NBAS: variants seen among roughly 807,000 people sequenced by gnomAD.
NBAS encodes NBAS subunit of NRZ tethering complex.
A neutral mutation model predicts 302.5 loss-of-function variants in NBAS; 219 were observed. The observed-to-expected ratio is 0.72, with a 90% CI of 0.65 to 0.81. The LOEUF (loss-of-function observed/expected upper bound fraction) is 0.81. Ranked by LOEUF, NBAS falls within the 30% of genes least tolerant of loss-of-function variation. NBAS has a pLI of 0.00. For missense variants in NBAS, 2,932 were observed against 2,841.6 expected (o/e 1.03, Z -0.72); for synonymous variants, 1,118 against 1,021.6 (o/e 1.09, Z -1.80).
chr2:15,360,649 C>CTT (rs369254532), intron 32 of NBAS, among the ~76,000 whole-genome samples: 60,728 of 122,888 alleles, frequency 0.49, 17,394 homozygotes, highest in Non-Finnish European at 0.65. Flanking sequence ...CATGACCAGC[C>CTT]TTTTTTTTTT....
At chr2:14,817,014 A>T in the NBAS span, among the ~76,000 whole-genome samples, 4 of 152,134 alleles carry the variant, frequency 2.6e-5, no homozygotes, top group Non-Finnish European at 4.4e-5. Flanking sequence ...GACTCCATAA[A>T]ATAATTAGCC....
chr2:14,987,767 T>G, the NBAS span, among the ~76,000 whole-genome samples: 1 of 152,238 alleles, frequency 6.6e-6, no homozygotes, highest in East Asian at 1.9e-4. Flanking sequence ...AAAGATTTTC[T>G]CTTATGCCTA....
At chr2:15,268,973 T>C (rs1324832198) in intron 44 of NBAS, among the ~76,000 whole-genome samples, 1 of 152,182 alleles carries the variant, frequency 6.6e-6, no homozygotes, top group Non-Finnish European at 1.5e-5. Flanking sequence ...GCAAAGAAAG[T>C]GGTCTTCTCT....
the NBAS span, among the ~76,000 whole-genome samples, chr2:14,854,742 A>G: frequency 6.6e-6 from 1 of 152,118 alleles, no homozygotes; most frequent in Non-Finnish European, 1.5e-5. Context: ...GAGCATTTAA[A>G]CTAGTCCAAT....
chr2:15,220,843 A>G (rs987852330), intron 47 of NBAS, among the ~76,000 whole-genome samples: 3 of 152,200 alleles, frequency 2.0e-5, no homozygotes, highest in African/African-American at 4.8e-5. Flanking sequence ...CCATGCCCTA[A>G]TAAGATTACA....
intron 48 of NBAS, among the ~76,000 whole-genome samples, chr2:15,215,044 A>AT (rs1666591043): frequency 6.6e-6 from 1 of 152,186 alleles, no homozygotes; most frequent in Non-Finnish European, 1.5e-5. Flanking sequence ...ATTTTGCCCC[A>AT]TATTTTTCAT....
At chr2:15,326,927 G>T (rs2148220737) in intron 38 of NBAS, among the ~76,000 whole-genome samples, 1 of 152,176 alleles carries the variant, frequency 6.6e-6, no homozygotes. Context: ...ATCAGCTTTT[G>T]GGGGGAATTA....
At chr2:15,068,931 G>A in the NBAS span, among the ~76,000 whole-genome samples, 4 of 152,196 alleles carry the variant, frequency 2.6e-5, no homozygotes, top group African/African-American at 7.2e-5. Flanking sequence ...GAGCCTCCTG[G>A]TTGGTGGGAA....
intron 40 of NBAS, among the ~76,000 whole-genome samples, chr2:15,296,946 C>T (rs1670577670): frequency 6.6e-6 from 1 of 152,254 alleles, no homozygotes; most frequent in Non-Finnish European, 1.5e-5. Flanking sequence ...TTCTCACTTA[C>T]TACATACAAA....
At chr2:15,511,138 G>C in intron 10 of NBAS, 74 bp downstream of exon 10, 1 of 1,547,490 alleles carries the variant, frequency 6.5e-7, no homozygotes, top group Non-Finnish European at 8.9e-7. Flanking sequence ...ATCTTACAAA[G>C]GACTTATTTG....
At chr2:15,107,967 C>G in the NBAS span, among the ~76,000 whole-genome samples, 1 of 151,990 alleles carries the variant, frequency 6.6e-6, no homozygotes, top group African/African-American at 2.4e-5. Flanking sequence ...GGCTTCTTTC[C>G]CTCAGCATAA....
chr2:14,916,839 A>G, the NBAS span, among the ~76,000 whole-genome samples: 173 of 152,340 alleles, frequency 1.1e-3, 1 homozygote, highest in African/African-American at 3.9e-3. Flanking sequence ...CAGACAGTGG[A>G]TCACATGCAC....
At chr2:15,353,921 TA>T (rs1673491226) in intron 33 of NBAS, among the ~76,000 whole-genome samples, 1 of 152,194 alleles carries the variant, frequency 6.6e-6, no homozygotes. Flanking sequence ...AATGCTACTC[TA>T]AACAAGTGTT....
chr2:15,556,428 GAAT>G (rs1023528241), intron 3 of NBAS, among the ~76,000 whole-genome samples: 2 of 152,142 alleles, frequency 1.3e-5, no homozygotes, highest in African/African-American at 4.8e-5. Context: ...TACAGCAGTT[GAAT>G]ATTAACCACA....
intron 12 of NBAS, among the ~76,000 whole-genome samples, chr2:15,481,311 C>T (rs1680418295): frequency 6.6e-6 from 1 of 152,134 alleles, no homozygotes; most frequent in Non-Finnish European, 1.5e-5. Context: ...ATTTGAGTAC[C>T]TGAAGTGTGA....
the NBAS span, among the ~76,000 whole-genome samples, chr2:14,816,481 T>C: frequency 6.6e-6 from 1 of 152,324 alleles, no homozygotes; most frequent in East Asian, 1.9e-4. Context: ...CCAAAAAGGT[T>C]GGAGACTGCT....
At chr2:14,836,327 A>G in the NBAS span, among the ~76,000 whole-genome samples, 1 of 151,820 alleles carries the variant, frequency 6.6e-6, no homozygotes, top group Admixed American at 6.6e-5. Flanking sequence ...CTCATGGTTA[A>G]TGCTTTTTGT....
the NBAS span, among the ~76,000 whole-genome samples, chr2:15,027,006 G>A: frequency 2.0e-5 from 3 of 152,086 alleles, no homozygotes; most frequent in African/African-American, 7.2e-5. Flanking sequence ...GATTACAGTG[G>A]TTTTAGGGTA....
chr2:14,936,953 C>G, the NBAS span, among the ~76,000 whole-genome samples: 1 of 152,104 alleles, frequency 6.6e-6, no homozygotes, highest in Non-Finnish European at 1.5e-5. Context: ...AGAGACTTGA[C>G]CAATGAGCCT....
Sources: allele counts gnomAD v4.1 joint callset (sites outside exome capture counted in the v4.1 genomes callset), GRCh38; gene constraint gnomAD v4.1.1; transcripts MANE v1.5; gene names NCBI Gene and HGNC (gene_info 2026-07-23, HGNC 2026-07-21).